FN1: variants seen among roughly 807,000 people sequenced by gnomAD.
FN1 encodes fibronectin 1.
A neutral mutation model predicts 297.3 loss-of-function variants in FN1; 106 were observed. That is an observed-to-expected ratio of 0.36 (90% CI 0.30 to 0.42). The LOEUF (loss-of-function observed/expected upper bound fraction) is 0.42, where lower values mean the gene tolerates loss of function less well. FN1 is among the 10% of genes least tolerant of loss of function. The probability of loss-of-function intolerance (pLI) is 1.00; values close to 1 mark genes in which losing one functional copy is unlikely to be tolerated. For synonymous variants in FN1, 1,149 were observed against 1,152.6 expected (o/e 1.00, Z 0.06); for missense variants, 2,690 against 3,124.9 (o/e 0.86, Z 3.32).
At position 215,365,763 on chromosome 2, in the gene FN1, C is replaced by T. The variant is rs895314713; in HGVS notation, c.7019-133G>A. 9 of 624,372 alleles carry T rather than the reference C, an allele frequency of 1.4e-5. No individual in the cohort carries two copies. The East Asian group carries it at 2.2e-4, about 15-fold the overall frequency. 38.7% of individuals were successfully genotyped at this position (624,372 alleles called of 1,614,324 possible). On this transcript the variant is annotated intron_variant, in intron 42 of 45. Coordinates refer to ENST00000354785, the MANE Select transcript of FN1 (RefSeq NM_212482.4). ...AAAAATAGCAAGTTAAAGATAAAAA[C>T]CCCTATAATGGGCCATTTATTTTAT...
intron 3 of FN1, 24 bp downstream of exon 3, chr2:215,433,300 C>T: frequency 6.2e-7 from 1 of 1,613,540 alleles, no homozygotes; most frequent in Non-Finnish European, 8.5e-7. Flanking sequence ...ATTTTGGCAT[C>T]ATTTTACACA....
intron 35 of FN1, among the ~76,000 whole-genome samples, chr2:215,377,472 A>T (rs1189880524): frequency 6.8e-6 from 1 of 147,446 alleles, no homozygotes; most frequent in Admixed American, 6.8e-5. Context: ...TCCCCCCCCA[A>T]CTCTCTCTCT....
intron 21 of FN1, among the ~76,000 whole-genome samples, 165 bp from the exon 22 acceptor site, chr2:215,398,013 A>G (rs967573815): frequency 6.6e-6 from 1 of 152,254 alleles, no homozygotes; most frequent in Non-Finnish European, 1.5e-5. Flanking sequence ...CTTTAGCTGG[A>G]AATTCCCCCA....
chr2:215,384,782 G>T, intron 29 of FN1, 78 bp downstream of exon 29: 1 of 1,018,174 alleles, frequency 9.8e-7, no homozygotes, highest in Non-Finnish European at 1.6e-6. Flanking sequence ...TTAATTCTTT[G>T]TTCACTGTTG....
rs1353061118 is a variant in FN1, at chr2:215,409,592, C to T, written c.2270G>A (p.Ser757Asn). The T allele has an allele frequency of 3.1e-6, 5 of 1,613,794 alleles. No homozygotes were observed. The highest frequency in any genetic ancestry group is 4.2e-6 in the Non-Finnish European group (5 of 1,180,042). The change falls in exon 15 of 46, where the codon AGT becomes AAT. Residue 757 changes from serine (S) to asparagine (N), a missense_variant. Physicochemically the swap from Ser to Asn is conservative, Grantham distance 46 (BLOSUM62 1). Transcript: ENST00000354785. The part of the protein sequence containing the change: ...VSGFRVEYEL[S>N]EEGDEPQYLD... ...GTACTGTGGCTCATCTCCCTCCTCA[C>T]TCAGCTCATATTCCACCCGGAATCC... is the stretch of plus-strand genomic sequence containing the variant.
intron 44 of FN1, 71 bp from the exon 45 acceptor site, chr2:215,362,150 G>T: frequency 1.7e-6 from 2 of 1,201,420 alleles, no homozygotes; most frequent in East Asian, 2.3e-5. Context: ...TAGTGTTTGA[G>T]TTAAAGAAAA....
intron 42 of FN1, 137 bp from the exon 43 acceptor site, chr2:215,365,767 T>C (rs2054411792): frequency 3.7e-6 from 2 of 540,452 alleles, no homozygotes; most frequent in Non-Finnish European, 3.1e-6. Flanking sequence ...TAAAAACCCC[T>C]ATAATGGGCC....
chr2:215,364,351 G>C (rs2054114927), intron 44 of FN1: 2 of 185,148 alleles, frequency 1.1e-5, no homozygotes, highest in Non-Finnish European at 2.3e-5. Flanking sequence ...CTGTCCATCA[G>C]AATGGAGTTG....
chr2:215,435,564 ACG>A, intron 1 of FN1, 89 bp downstream of exon 1: 1 of 1,556,736 alleles, frequency 6.4e-7, no homozygotes, highest in Non-Finnish European at 8.8e-7. Context: ...ACTCGCACAC[ACG>A]CGCGCGCACA....
chr2:215,413,511 A>C (rs529657410), intron 13 of FN1, among the ~76,000 whole-genome samples: 6 of 152,166 alleles, frequency 3.9e-5, no homozygotes, highest in African/African-American at 1.4e-4. Flanking sequence ...CCACAAGCCT[A>C]CTTTTTCCAT....
At chr2:215,386,990 A>T (rs1172319955) in intron 27 of FN1, 32 bp from the exon 28 acceptor site, 1 of 1,585,716 alleles carries the variant, frequency 6.3e-7, no homozygotes, top group Non-Finnish European at 8.6e-7. Flanking sequence ...GGAAGAGAAA[A>T]AAAAAAGAAA....
intron 22 of FN1, 91 bp downstream of exon 22, chr2:215,397,589 C>T (rs2060457302): frequency 9.2e-7 from 1 of 1,082,536 alleles, no homozygotes; most frequent in Admixed American, 1.7e-5. Context: ...CTGTGCCATT[C>T]TCATAAGTAA....
At chr2:215,368,073 C>T (rs377543989) in intron 41 of FN1, 46 bp from the exon 42 acceptor site, 98 of 1,587,740 alleles carry the variant, frequency 6.2e-5, no homozygotes, top group Admixed American at 8.4e-5. Context: ...TCTTATTAAT[C>T]GATTTGGACC....
At chr2:215,431,771 T>G (rs1207868163) in intron 4 of FN1, 62 bp downstream of exon 4, 5 of 1,574,756 alleles carry the variant, frequency 3.2e-6, no homozygotes, top group Non-Finnish European at 3.5e-6. Flanking sequence ...GATGTGATTC[T>G]GGTCCAACCC....
rs765853122 is a variant in FN1 at position 215,386,977 on chromosome 2, G to C, written c.4343-19C>G. On this transcript the variant is annotated intron_variant, in intron 27 of 45. Transcript: ENST00000354785. ...TCAAGACCTGTTTTTCCCACCCGGG[G>C]GAGGAAGAGAAAAAAAAAAGAAAAG... 6.6e-5 allele frequency: 106 copies of C among 1,600,404 alleles called. 1 individual carries two copies. The South Asian group carries it at 1.1e-3, about 17-fold the overall frequency.
intron 7 of FN1, among the ~76,000 whole-genome samples, chr2:215,424,849 G>T (rs1009547985): frequency 6.6e-6 from 1 of 152,136 alleles, no homozygotes; most frequent in African/African-American, 2.4e-5. Flanking sequence ...TAGCTCTCTT[G>T]TAACAACACT....
In FN1 at chr2:215,367,878, T is replaced by G; in HGVS notation, c.7003A>C (p.Arg2335=). 6.2e-7 allele frequency: 1 copy of G among 1,614,030 alleles called. No individual in the cohort carries two copies. The highest frequency in any genetic ancestry group is 8.5e-7 in the Non-Finnish European group (1 of 1,179,946). Residue 2335 remains arginine (R), a synonymous_variant, in exon 42 of 46, where the codon AGA becomes CGA. Coordinates refer to ENST00000354785, the MANE Select transcript of FN1 (RefSeq NM_212482.4). ...QCLGFGSGHF[R]CDSSRWCHDN... ...AACTACTCACTAGATGAATCACATC[T>G]GAAATGACCACTTCCAAAGCCTAAG...
intron 19 of FN1, among the ~76,000 whole-genome samples, chr2:215,405,059 A>C (rs1000225109): frequency 7.2e-5 from 11 of 152,358 alleles, no homozygotes; most frequent in African/African-American, 1.9e-4. Flanking sequence ...CAGCAAGAAG[A>C]AGCTCTCTAT....
chr2:215,401,518 T>G (rs1192620234), intron 20 of FN1, among the ~76,000 whole-genome samples: 1 of 152,222 alleles, frequency 6.6e-6, no homozygotes, highest in East Asian at 1.9e-4. Flanking sequence ...TCTGGTCACA[T>G]GTTTGACATC....
Sources: allele counts gnomAD v4.1 joint callset (sites outside exome capture counted in the v4.1 genomes callset), GRCh38; gene constraint gnomAD v4.1.1; transcripts MANE v1.5; gene names NCBI Gene and HGNC (gene_info 2026-07-23, HGNC 2026-07-21).